THSD7A: variants seen among roughly 807,000 people sequenced by gnomAD.
THSD7A encodes thrombospondin type 1 domain containing 7A.
A neutral mutation model predicts 231.3 loss-of-function variants in THSD7A; 96 were observed. The ratio of observed to expected loss-of-function variants is 0.41; its 90% CI spans 0.35 to 0.49. THSD7A has a LOEUF of 0.49. Ranked by LOEUF, THSD7A falls within the 20% of genes least tolerant of loss-of-function variation. The pLI, the probability that THSD7A is intolerant of heterozygous loss-of-function variation, is 0.05. For missense variants in THSD7A, 2,290 were observed against 2,070.2 expected, an observed-to-expected ratio of 1.11 and a Z score of -2.06; for synonymous variants, 940 against 743.3, an observed-to-expected ratio of 1.26 and a Z score of -4.30.
chr7:11,501,165 C>A (rs1053905250), intron 6 of THSD7A, among the ~76,000 whole-genome samples: 1 of 152,002 alleles, frequency 6.6e-6, no homozygotes, highest in Non-Finnish European at 1.5e-5. Flanking sequence ...ACATAGACTC[C>A]CCACACAATA....
At chr7:11,829,985 C>T (rs1785147825) in intron 1 of THSD7A, among the ~76,000 whole-genome samples, 1 of 152,132 alleles carries the variant, frequency 6.6e-6, no homozygotes, top group South Asian at 2.1e-4. Flanking sequence ...GATTTTCACA[C>T]ACTGCAGATA....
At chr7:11,466,582 TG>T (rs1785715262) in intron 9 of THSD7A, among the ~76,000 whole-genome samples, 1 of 152,110 alleles carries the variant, frequency 6.6e-6, no homozygotes, top group Non-Finnish European at 1.5e-5. Flanking sequence ...CCAACTGAGG[TG>T]ATTTTTTAAA....
intron 1 of THSD7A, among the ~76,000 whole-genome samples, chr7:11,750,111 C>G (rs997751549): frequency 6.6e-6 from 1 of 150,760 alleles, no homozygotes; most frequent in African/African-American, 2.4e-5. Context: ...TTACAGGGAG[C>G]CACAATTCTG....
In THSD7A at chr7:11,375,778, C is replaced by T; in HGVS notation, c.*16G>A. ...TCAGAAAGCCGAAACTGGTTGTTGC[C>T]AGGAAAAGTTATATGTTACATGTCG... On this transcript the variant is annotated 3_prime_UTR_variant, in exon 28 of 28. Coordinates refer to ENST00000423059, the MANE Select transcript of THSD7A (RefSeq NM_015204.3). 1.9e-6 allele frequency: 3 copies of T among 1,609,142 alleles called. No individual in the cohort carries two copies. Among genetic ancestry groups the T allele is most frequent in the Non-Finnish European group, 2.5e-6 (3 of 1,177,156 alleles).
At chr7:11,801,975 A>G (rs1407906828) in intron 1 of THSD7A, among the ~76,000 whole-genome samples, 1 of 152,204 alleles carries the variant, frequency 6.6e-6, no homozygotes, top group Non-Finnish European at 1.5e-5. Flanking sequence ...TTCATTTCAG[A>G]GTAAGTATTT....
Position 11,444,763 on chromosome 7 carries a change from AG to A in THSD7A, c.3064+1297del, listed in dbSNP as rs1246549349. The stretch of plus-strand genomic sequence containing the variant: ...CTTAAAGTATAACAAAAAAAAAGAG[AG>A]GGGGCACAGTTGTCTGCTCTGTGTG... On this transcript the variant is annotated intron_variant, in intron 13 of 27. Transcript: ENST00000423059. This position sits in a 1 kb window ranked among gnomAD's most constrained non-coding sequence, Gnocchi z 4.2. Among the ~76,000 whole-genome samples the A allele has an allele frequency of 6.7e-6, 1 of 148,202 alleles. No homozygotes were observed. The highest frequency in any genetic ancestry group is 1.5e-5 in the Non-Finnish European group (1 of 67,522).
intron 7 of THSD7A, among the ~76,000 whole-genome samples, chr7:11,475,805 G>GA (rs1464289766): frequency 6.6e-6 from 1 of 150,442 alleles, no homozygotes; most frequent in Admixed American, 6.6e-5. Flanking sequence ...AATTATTTGA[G>GA]AAAAAAATGA....
At chr7:11,756,813 C>G (rs1240246399) in intron 1 of THSD7A, among the ~76,000 whole-genome samples, 1 of 152,010 alleles carries the variant, frequency 6.6e-6, no homozygotes, top group Non-Finnish European at 1.5e-5. Flanking sequence ...GTACAGTAGG[C>G]AACAGCAAGT....
intron 1 of THSD7A, among the ~76,000 whole-genome samples, chr7:11,692,825 T>C (rs1780275995): frequency 6.6e-6 from 1 of 151,526 alleles, no homozygotes. Flanking sequence ...CTAAAAATAA[T>C]AATTATAATT....
Position 11,768,250 on chromosome 7 carries a change from A to G in THSD7A, c.190+63507T>C, listed in dbSNP as rs78364545. Among the ~76,000 whole-genome samples the G allele has an allele frequency of 5.5e-3, 839 of 152,280 alleles. 8 individuals carry two copies. Among genetic ancestry groups the G allele is most frequent in the African/African-American group, 0.019 (797 of 41,554 alleles). On this transcript the variant is annotated intron_variant, in intron 1 of 27. Coordinates refer to ENST00000423059, the MANE Select transcript of THSD7A (RefSeq NM_015204.3). ...AAGACCTTGGGCCATTATAAATGCT[A>G]GTTGTCCAACAATATATCAGGATAT... is the stretch of plus-strand genomic sequence containing the variant.
chr7:11,623,783 T>C (rs984210578), intron 2 of THSD7A, among the ~76,000 whole-genome samples: 4 of 152,130 alleles, frequency 2.6e-5, no homozygotes, highest in Non-Finnish European at 5.9e-5. Flanking sequence ...AGAACCTCAG[T>C]TGTTAGTATC....
chr7:11,749,172 G>A (rs1782416785), intron 1 of THSD7A, among the ~76,000 whole-genome samples: 2 of 151,982 alleles, frequency 1.3e-5, no homozygotes, highest in African/African-American at 4.8e-5. Flanking sequence ...ACATTCTCCT[G>A]AGGCTGTTTT....
intron 1 of THSD7A, among the ~76,000 whole-genome samples, chr7:11,828,781 T>C (rs1415141012): frequency 6.6e-6 from 1 of 152,140 alleles, no homozygotes; most frequent in Non-Finnish European, 1.5e-5. Context: ...ATAAGTATTA[T>C]TCATGTATAT....
At chr7:11,827,659 C>G (rs1785070886) in intron 1 of THSD7A, among the ~76,000 whole-genome samples, 1 of 152,072 alleles carries the variant, frequency 6.6e-6, no homozygotes, top group African/African-American at 2.4e-5. Flanking sequence ...TGATCCCTCC[C>G]ACTCCCATGG....
At chr7:11,789,913 C>T (rs1002906147) in intron 1 of THSD7A, among the ~76,000 whole-genome samples, 7 of 151,898 alleles carry the variant, frequency 4.6e-5, no homozygotes, top group African/African-American at 1.2e-4. Flanking sequence ...TATGGACTTC[C>T]GTGTCTCCAA....
At chr7:11,627,279 TA>T (rs1234183543) in intron 2 of THSD7A, among the ~76,000 whole-genome samples, 3 of 151,980 alleles carry the variant, frequency 2.0e-5, no homozygotes, top group Non-Finnish European at 1.5e-5. Flanking sequence ...CATATTTACT[TA>T]AAAAAAGAAA....
intron 17 of THSD7A, among the ~76,000 whole-genome samples, chr7:11,416,207 C>G (rs932273736): frequency 6.6e-6 from 1 of 152,156 alleles, no homozygotes; most frequent in African/African-American, 2.4e-5. Context: ...CTCAATAATT[C>G]TTCTAAGATG....
chr7:11,727,683 T>G (rs927365924), intron 1 of THSD7A, among the ~76,000 whole-genome samples: 1 of 151,976 alleles, frequency 6.6e-6, no homozygotes, highest in Non-Finnish European at 1.5e-5. Flanking sequence ...AAAAGTACAT[T>G]TGATATTTCT....
At chr7:11,521,642 C>T (rs1357006905) in intron 6 of THSD7A, among the ~76,000 whole-genome samples, 1 of 142,084 alleles carries the variant, frequency 7.0e-6, no homozygotes, top group African/African-American at 2.8e-5. Flanking sequence ...GCGCTGCACC[C>T]ACTAACGTGT....
Sources: allele counts gnomAD v4.1 joint callset (sites outside exome capture counted in the v4.1 genomes callset), GRCh38; gene constraint gnomAD v4.1.1; non-coding constraint Gnocchi (gnomAD v3.1); transcripts MANE v1.5; gene names NCBI Gene and HGNC (gene_info 2026-07-23, HGNC 2026-07-21).